The following RAI1 variants were observed in gnomAD, a reference collection of about 807,000 sequenced individuals.
The protein encoded by RAI1 is retinoic acid-induced protein 1.
In RAI1, 9 loss-of-function variants were observed where a neutral mutation model predicts 123.8. That is an observed-to-expected ratio of 0.07 (90% confidence interval 0.04 to 0.13). The LOEUF (loss-of-function observed/expected upper bound fraction) is 0.13. RAI1 is among the 10% of genes least tolerant of loss of function. The pLI, the probability that RAI1 is intolerant of heterozygous loss-of-function variation, is 1.00. For missense variants in RAI1, 2,256 were observed against 2,545.8 expected (o/e 0.89, Z 2.45); for synonymous variants, 1,231 against 1,127.3 (o/e 1.09, Z -1.84).
intron 1 of RAI1, among the ~76,000 whole-genome samples, chr17:17,719,501 A>G (rs1461682931): frequency 5.9e-5 from 9 of 152,174 alleles, no homozygotes; most frequent in Non-Finnish European, 2.9e-5. Flanking sequence ...GCTCTTAAGT[A>G]TGAGCTCTGA....
intron 2 of RAI1, among the ~76,000 whole-genome samples, chr17:17,770,503 G>C (rs2031111286): frequency 6.6e-6 from 1 of 152,100 alleles, no homozygotes; most frequent in South Asian, 2.1e-4. Flanking sequence ...CCATGATTGG[G>C]CTCCCCGGCC....
intron 2 of RAI1, among the ~76,000 whole-genome samples, chr17:17,760,356 A>C (rs1054431863): frequency 6.6e-6 from 1 of 152,040 alleles, no homozygotes; most frequent in African/African-American, 2.4e-5. Flanking sequence ...TAGAGGGCTC[A>C]GGAGGGAAGC....
chr17:17,723,550 C>T (rs1341399688), intron 1 of RAI1, among the ~76,000 whole-genome samples: 1 of 150,814 alleles, frequency 6.6e-6, no homozygotes, highest in Non-Finnish European at 1.5e-5. Context: ...CTCACACCCC[C>T]CGTCCCTAAG....
chr17:17,702,771 G>A (rs1172388302), intron 1 of RAI1, among the ~76,000 whole-genome samples: 1 of 152,200 alleles, frequency 6.6e-6, no homozygotes, highest in East Asian at 1.9e-4. Context: ...CCAGCCATGA[G>A]GTGGCTTCTC....
intron 2 of RAI1, among the ~76,000 whole-genome samples, chr17:17,785,925 T>C: frequency 6.6e-6 from 1 of 152,214 alleles, no homozygotes; most frequent in East Asian, 1.9e-4. Flanking sequence ...ACAGACAGTG[T>C]CTCTTGAATT....
Position 17,794,227 on chromosome 17 carries a change from C to T in RAI1, c.1279C>T (p.Leu427=), listed in dbSNP as rs34898721. The change falls in exon 3 of 6, where the codon CTG becomes TTG. Residue 427 remains leucine, a synonymous_variant. Transcript: ENST00000353383. ...GAAGGACAAGCTCCCTGAGAACCTGCTGTCGGATCTCAGCCTGCAGAGCCT... is the reference window on the plus strand; with the variant it reads ...GAAGGACAAGCTCCCTGAGAACCTGTTGTCGGATCTCAGCCTGCAGAGCCT... ...LQKDKLPENL[L]SDLSLQSLTA... is the part of the protein sequence containing the mutation. 1,695 of 1,613,462 alleles carry T rather than the reference C, an allele frequency of 1.1e-3. 2 individuals are homozygous for T. The highest frequency in any genetic ancestry group is 1.2e-3 in the Non-Finnish European group (1,465 of 1,180,044).
intron 2 of RAI1, among the ~76,000 whole-genome samples, chr17:17,752,327 T>G (rs557308945): frequency 4.3e-4 from 66 of 152,256 alleles, no homozygotes; most frequent in African/African-American, 1.5e-3. Context: ...GCCGTCACAC[T>G]GCGGAGGGGC....
At chr17:17,724,406 CTTTTTTTTTT>C (rs771760855) in intron 2 of RAI1, among the ~76,000 whole-genome samples, 3 of 103,758 alleles carry the variant, frequency 2.9e-5, no homozygotes, top group African/African-American at 7.7e-5. Flanking sequence ...TCTTTCTTTC[CTTTTTTTTTT>C]TTTTTTTTTG....
chr17:17,796,846 G>GC lies in RAI1; in HGVS notation c.3900dup (p.Cys1301LeufsTer47). On this transcript the variant is annotated frameshift_variant, in exon 3 of 6. Coordinates refer to ENST00000353383, the MANE Select transcript of RAI1 (RefSeq NM_030665.4). The surrounding 1 kb of genome is among the most constrained non-coding windows in gnomAD (Gnocchi z 5.8). ...GCTCCCACCCCCGGAGACCCCCGAT[G>GC]CCTGCCTCAAGCTCGCCTCTCGGGC... 1 of 1,612,424 alleles carries GC rather than the reference G, an allele frequency of 6.2e-7. No homozygotes were observed. Among genetic ancestry groups the GC allele is most frequent in the Non-Finnish European group, 8.5e-7 (1 of 1,179,416 alleles).
intron 2 of RAI1, among the ~76,000 whole-genome samples, chr17:17,789,499 G>A (rs1004431572): frequency 3.9e-5 from 6 of 152,228 alleles, no homozygotes; most frequent in African/African-American, 1.4e-4. Flanking sequence ...GCCTTGCACC[G>A]TAGGGTAGCT....
At chr17:17,703,598 A>T (rs1915300742) in intron 1 of RAI1, among the ~76,000 whole-genome samples, 1 of 152,174 alleles carries the variant, frequency 6.6e-6, no homozygotes, top group South Asian at 2.1e-4. Flanking sequence ...ACTGAGGCTC[A>T]TAGAGGTTAA....
chr17:17,802,026 C>G (rs1415790710), intron 3 of RAI1: 1 of 468,902 alleles, frequency 2.1e-6, no homozygotes, highest in South Asian at 1.6e-5. Context: ...CTCTACCTCA[C>G]CCCCCGCCCC....
intron 2 of RAI1, among the ~76,000 whole-genome samples, chr17:17,733,915 C>T (rs1158839490): frequency 1.3e-5 from 2 of 152,120 alleles, no homozygotes; most frequent in Non-Finnish European, 2.9e-5. Flanking sequence ...AGACCCGGGG[C>T]CCCCTCACCA....
intron 2 of RAI1, among the ~76,000 whole-genome samples, chr17:17,739,915 C>T (rs369571230): frequency 7.2e-5 from 11 of 152,204 alleles, no homozygotes; most frequent in East Asian, 3.9e-4. Flanking sequence ...CGGTGCTCGG[C>T]CCTTCCCCCA....
chr17:17,798,625 CA>C, intron 3 of RAI1, 112 bp downstream of exon 3: 2 of 1,509,448 alleles, frequency 1.3e-6, no homozygotes, highest in Non-Finnish European at 1.8e-6. Context: ...AATGTGTCTG[CA>C]GTCTCGGGAC....
At chr17:17,773,831 C>T (rs142218965) in intron 2 of RAI1, among the ~76,000 whole-genome samples, 4 of 152,100 alleles carry the variant, frequency 2.6e-5, no homozygotes, top group Non-Finnish European at 5.9e-5. Context: ...AAACTGAGTT[C>T]GAAGTTTCCA....
At chr17:17,702,329 G>A (rs1915248610) in intron 1 of RAI1, among the ~76,000 whole-genome samples, 1 of 152,182 alleles carries the variant, frequency 6.6e-6, no homozygotes, top group Admixed American at 6.5e-5. Context: ...TGGCACAAAA[G>A]CTTGTACCAC....
chr17:17,794,397 C>T lies in RAI1; in HGVS notation c.1449C>T (p.Pro483=), dbSNP rs764710876. ...PEQHKSQHCS[P]EGSGYSAEPA... ...AGCATAAAAGCCAGCACTGCAGCCC[C>T]GAAGGGAGCGGCTACTCAGCCGAGC... The change falls in exon 3 of 6, where the codon CCC becomes CCT. Residue 483 remains proline (P), a synonymous_variant. Transcript: ENST00000353383. 2.4e-5 allele frequency: 39 copies of T among 1,613,046 alleles called. No homozygotes were observed. The highest frequency in any genetic ancestry group is 2.9e-5 in the Non-Finnish European group (34 of 1,180,054).
rs1277249789 is a variant in RAI1, at chr17:17,794,408, G to T, written c.1460G>T (p.Gly487Val). Reference sequence around the variant, plus strand: ...CAGCACTGCAGCCCCGAAGGGAGCGGCTACTCAGCCGAGCCCGCAGGCACA... The same window carrying T: ...CAGCACTGCAGCCCCGAAGGGAGCGTCTACTCAGCCGAGCCCGCAGGCACA... ...KSQHCSPEGSGYSAEPAGTPL... is the reference protein window; with the variant it reads ...KSQHCSPEGSVYSAEPAGTPL... The change falls in exon 3 of 6, where the codon GGC becomes GTC. Residue 487 changes from glycine (G) to valine (V), a missense_variant. By Grantham distance (109) the Gly-to-Val change is moderately radical. Coordinates refer to ENST00000353383, the MANE Select transcript of RAI1 (RefSeq NM_030665.4). The T allele has an allele frequency of 6.2e-7, 1 of 1,613,058 alleles. No individual in the cohort carries two copies. The highest frequency in any genetic ancestry group is 8.5e-7 in the Non-Finnish European group (1 of 1,180,038).
Sources: allele counts gnomAD v4.1 joint callset (sites outside exome capture counted in the v4.1 genomes callset), GRCh38; gene constraint gnomAD v4.1.1; non-coding constraint Gnocchi (gnomAD v3.1); transcripts MANE v1.5; gene names NCBI Gene and HGNC (gene_info 2026-07-23, HGNC 2026-07-21).